PCDHGA5: variants seen among roughly 807,000 people sequenced by gnomAD.
The protein encoded by PCDHGA5 is protocadherin gamma subfamily A, 5, also known as protocadherin gamma-A5.
A neutral mutation model predicts 56.7 loss-of-function variants in PCDHGA5; 36 were observed. The ratio of observed to expected loss-of-function variants is 0.64; its 90% CI spans 0.49 to 0.84. The LOEUF (loss-of-function observed/expected upper bound fraction) is 0.84. Among genes scored for constraint, PCDHGA5 ranks in the 40% least tolerant of loss-of-function variants. The pLI, the probability that PCDHGA5 is intolerant of heterozygous loss-of-function variation, is 0.00. For synonymous variants in PCDHGA5, 563 were observed against 520.2 expected, an observed-to-expected ratio of 1.08 and a Z score of -1.12; for missense variants, 1,305 against 1,201.5, an observed-to-expected ratio of 1.09 and a Z score of -1.27.
chr5:141,364,214 G>A lies in PCDHGA5; in HGVS notation c.-117G>A, dbSNP rs935384771. 7 of 1,287,292 alleles carry A rather than the reference G, an allele frequency of 5.4e-6. No individual in the cohort carries two copies. In the African/African-American group the frequency reaches 6.0e-5, roughly 11 times the overall value. The allele number at this position is 1,287,292 out of a possible 1,614,324, so 79.7% of individuals were successfully genotyped here. A position where few individuals can be genotyped will look rare whatever the true frequency, so the allele number is the denominator to read the frequency against. On this transcript the variant is annotated 5_prime_UTR_variant, in exon 1 of 4. Transcript: ENST00000518069. ...ACACACAGACCAGACAAGCTCCTAC[G>A]AAAAGCCAACGCTCCACGCCCATTT...
At chr5:141,430,115 A>G (rs930805574) in intron 1 of PCDHGA5, among the ~76,000 whole-genome samples, 1 of 152,194 alleles carries the variant, frequency 6.6e-6, no homozygotes, top group Non-Finnish European at 1.5e-5. Context: ...CATGTCAACA[A>G]CCTGGTAAAG....
At chr5:141,411,951 G>A (rs1589812278) in intron 1 of PCDHGA5, 1 of 152,252 alleles carries the variant, frequency 6.6e-6, no homozygotes, top group African/African-American at 2.4e-5. Context: ...GATTTTTGAA[G>A]AAAAAAGATA....
chr5:141,404,165 T>G, intron 1 of PCDHGA5: 1 of 1,613,246 alleles, frequency 6.2e-7, no homozygotes, highest in Non-Finnish European at 8.5e-7. Flanking sequence ...TTACAGATTG[T>G]TGACGGCCCA....
intron 1 of PCDHGA5, chr5:141,371,313 C>T (rs760463851): frequency 6.2e-7 from 1 of 1,613,964 alleles, no homozygotes. Context: ...TATTGGAGAA[C>T]TGGACTTTGA....
chr5:141,409,823 A>G, intron 1 of PCDHGA5: 2 of 1,610,784 alleles, frequency 1.2e-6, no homozygotes, highest in Non-Finnish European at 1.7e-6. Flanking sequence ...CGGCTCGCCC[A>G]CGCTCAGCGC....
Position 141,485,716 on chromosome 5 carries a change from T to C in PCDHGA5, c.2422-9091T>C. Reference sequence around the variant, plus strand: ...GCTCCAATGAACACTTTGCACTGGATGTGAAGAAGCGCAGCGACGGCAGCC... The same window carrying C: ...GCTCCAATGAACACTTTGCACTGGACGTGAAGAAGCGCAGCGACGGCAGCC... On this transcript the variant is annotated intron_variant, in intron 1 of 3. Coordinates refer to ENST00000518069, the MANE Select transcript of PCDHGA5 (RefSeq NM_018918.3). The surrounding 1 kb of genome is among the most constrained non-coding windows in gnomAD (Gnocchi z 5.7). The C allele has an allele frequency of 6.2e-7, 1 of 1,614,044 alleles. No individual in the cohort carries two copies. Among genetic ancestry groups the C allele is most frequent in the Non-Finnish European group, 8.5e-7 (1 of 1,180,002 alleles).
At chr5:141,400,138 A>G (rs1459833287) in intron 1 of PCDHGA5, 4 of 1,614,046 alleles carry the variant, frequency 2.5e-6, no homozygotes, top group Admixed American at 1.7e-5. Context: ...GCTGCCGGAT[A>G]TCACTGACCG....
rs6883529 is a variant in PCDHGA5, at chr5:141,427,618, A to G, written c.2421+60867A>G. On this transcript the variant is annotated intron_variant, in intron 1 of 3. Coordinates refer to ENST00000518069, the MANE Select transcript of PCDHGA5 (RefSeq NM_018918.3). ...ACCCTACGCATTGGTGAAGTCAACG[A>G]CAATGCTCCGGTTTTCCACCAAGTC... The G allele has an allele frequency of 3.3e-3, 2,299 of 695,914 alleles. 37 individuals are homozygous for G. In the African/African-American group the frequency reaches 0.033, roughly 10 times the overall value. 43.1% of individuals were successfully genotyped at this position (695,914 alleles called of 1,614,324 possible).
chr5:141,389,834 A>G, intron 1 of PCDHGA5: 2 of 1,613,988 alleles, frequency 1.2e-6, no homozygotes, highest in Non-Finnish European at 1.7e-6. Context: ...GTGGACAGCC[A>G]CCACTCTCGG....
chr5:141,462,388 C>T (rs529638718), intron 1 of PCDHGA5, among the ~76,000 whole-genome samples: 86 of 152,204 alleles, frequency 5.7e-4, no homozygotes, highest in Non-Finnish European at 9.4e-4. Context: ...AATTCGTTAA[C>T]ATTTCTTTTA....
intron 1 of PCDHGA5, among the ~76,000 whole-genome samples, chr5:141,463,706 A>T (rs568865377): frequency 2.9e-3 from 440 of 152,024 alleles, no homozygotes; most frequent in Non-Finnish European, 4.6e-3. Context: ...TCGGCCTCCA[A>T]AAGTGCTGGG....
At position 141,435,341 on chromosome 5, in the gene PCDHGA5, C is replaced by T. The variant is rs73794903; in HGVS notation, c.2422-59466C>T. 9.3e-3 allele frequency among the ~76,000 whole-genome samples: 1,412 copies of T among 152,206 alleles called. 25 individuals carry two copies. Among genetic ancestry groups the T allele is most frequent in the African/African-American group, 0.032 (1,313 of 41,532 alleles). On this transcript the variant is annotated intron_variant, in intron 1 of 3. Coordinates refer to ENST00000518069, the MANE Select transcript of PCDHGA5 (RefSeq NM_018918.3). ...ACTTCCAAATATAGTGAATTTATTT[C>T]TTCTGCATTTAAAATTTTATCACTT...
At chr5:141,389,862 C>T (rs2091950734) in intron 1 of PCDHGA5, 1 of 1,613,964 alleles carries the variant, frequency 6.2e-7, no homozygotes, top group African/African-American at 1.3e-5. Flanking sequence ...CACGTTGCAC[C>T]TGGTCTTCGC....
chr5:141,420,188 A>G (rs775537913), intron 1 of PCDHGA5: 1 of 1,613,848 alleles, frequency 6.2e-7, no homozygotes, highest in South Asian at 1.1e-5. Context: ...TTGTCCAGCC[A>G]CACAAGATAA....
intron 1 of PCDHGA5, among the ~76,000 whole-genome samples, chr5:141,437,390 A>T (rs1422429346): frequency 6.6e-6 from 1 of 152,248 alleles, no homozygotes; most frequent in Non-Finnish European, 1.5e-5. Flanking sequence ...ACATTCATCC[A>T]CTGCTTTCAT....
chr5:141,375,766 G>C lies in PCDHGA5; in HGVS notation c.2421+9015G>C, dbSNP rs754916018. The C allele has an allele frequency of 4.3e-6, 7 of 1,614,270 alleles. No homozygotes were observed. In the South Asian group the frequency reaches 7.7e-5, roughly 18 times the overall value. On this transcript the variant is annotated intron_variant, in intron 1 of 3. Coordinates refer to ENST00000518069, the MANE Select transcript of PCDHGA5 (RefSeq NM_018918.3). ...TGGACCAGAATGACAATGCGCCCGA[G>C]ATCCTGTACCCCGCCCTCCCCACAG...
chr5:141,508,741 C>G (rs2099871426), intron 3 of PCDHGA5, among the ~76,000 whole-genome samples: 1 of 152,042 alleles, frequency 6.6e-6, no homozygotes, highest in Non-Finnish European at 1.5e-5. Context: ...ACCCCCCACC[C>G]CGCTCTTTCT....
chr5:141,442,131 A>T, intron 1 of PCDHGA5: 1 of 165,118 alleles, frequency 6.1e-6, no homozygotes, highest in Non-Finnish European at 1.3e-5. Context: ...GACAGCCTGC[A>T]GGAGACTCTG....
rs144222319 is a variant in PCDHGA5, at chr5:141,505,519, C to T, written c.2569+38C>T. ...AGTGTGTGTATGGAAGAGTGGGAGACCTGGGGTTCTGGGGTGCATCTCACA... is the reference window on the plus strand; with the variant it reads ...AGTGTGTGTATGGAAGAGTGGGAGATCTGGGGTTCTGGGGTGCATCTCACA... On this transcript the variant is annotated intron_variant, in intron 3 of 3. Coordinates refer to ENST00000518069, the MANE Select transcript of PCDHGA5 (RefSeq NM_018918.3). The T allele has an allele frequency of 1.5e-3, 2,491 of 1,613,690 alleles. 3 individuals carry two copies. The highest frequency in any genetic ancestry group is 2.6e-3 in the Middle Eastern group (16 of 6,060).
Sources: gnomAD v4.1 joint callset for allele counts (sites outside exome capture counted in the v4.1 genomes callset) on GRCh38, gnomAD v4.1.1 for gene constraint, Gnocchi (gnomAD v3.1) non-coding constraint, MANE v1.5 for transcripts, NCBI Gene and HGNC (gene_info 2026-07-23, HGNC 2026-07-21) for gene names.